GPC3: variants seen among roughly 807,000 people sequenced by gnomAD.
The protein encoded by GPC3 is glypican-3.
GPC3 carries 3 observed loss-of-function variants against 34.4 expected under a neutral mutation model. That is an observed-to-expected ratio of 0.09 (90% CI 0.04 to 0.23). The LOEUF (loss-of-function observed/expected upper bound fraction) is 0.23. GPC3 is among the 10% of genes least tolerant of loss of function. The pLI, the probability that GPC3 is intolerant of heterozygous loss-of-function variation, is 1.00. For synonymous variants in GPC3, 177 were observed against 174.0 expected (o/e 1.02, Z -0.13); for missense variants, 351 against 445.6 (o/e 0.79, Z 1.91).
intron 2 of GPC3, among the ~76,000 whole-genome samples, chrX:133,909,687 C>G (rs917752914): frequency 9.0e-6 from 1 of 111,588 alleles, no homozygotes; most frequent in African/African-American, 3.3e-5. Context: ...AGATAAACCT[C>G]TAAAGAGCCT....
intron 4 of GPC3, among the ~76,000 whole-genome samples, chrX:133,693,154 CAAGTGTGTGTGT>C (rs1278531632): frequency 1.2e-5 from 1 of 82,164 alleles, no homozygotes; most frequent in African/African-American, 5.7e-5. Flanking sequence ...TATAATAAGA[CAAGTGTGTGTGT>C]GTGTGTGTGT....
intron 2 of GPC3, among the ~76,000 whole-genome samples, chrX:133,940,137 G>A (rs1185965192): frequency 9.0e-6 from 1 of 111,010 alleles, no homozygotes; most frequent in Non-Finnish European, 1.9e-5. Context: ...AATACTCAGG[G>A]TACAATTAAC....
chrX:133,958,693 A>C (rs1423015306), intron 1 of GPC3, among the ~76,000 whole-genome samples: 1 of 106,072 alleles, frequency 9.4e-6, no homozygotes, highest in Non-Finnish European at 1.9e-5. Flanking sequence ...CAACATGGCG[A>C]AACCCCATCT....
intron 2 of GPC3, among the ~76,000 whole-genome samples, chrX:133,813,666 C>T (rs1369241458): frequency 1.8e-5 from 2 of 112,584 alleles, no homozygotes; most frequent in African/African-American, 6.5e-5. Context: ...CATCAGGTGA[C>T]ATTCCTGATG....
In GPC3 at chrX:133,558,508, T is replaced by G. The variant is rs139036932; in HGVS notation, c.1574-22215A>C. Among the ~76,000 whole-genome samples, 29 of 111,201 alleles carry G rather than the reference T, an allele frequency of 2.6e-4. No homozygotes were observed. In the East Asian group the frequency reaches 7.1e-3, roughly 27 times the overall value. On this transcript the variant is annotated intron_variant, in intron 7 of 7. Transcript: ENST00000370818. ...TTACGATTTGCTTTTTGGAGTATCTTTTTGGGGAAAGATAGGGTTGAAAAC... is the reference window on the plus strand; with the variant it reads ...TTACGATTTGCTTTTTGGAGTATCTGTTTGGGGAAAGATAGGGTTGAAAAC...
intron 7 of GPC3, among the ~76,000 whole-genome samples, chrX:133,552,269 CAT>C (rs2069441186): frequency 8.9e-6 from 1 of 112,018 alleles, no homozygotes; most frequent in African/African-American, 3.2e-5. Flanking sequence ...TGAGAGGTCT[CAT>C]GGCAGGGAAG....
chrX:133,880,478 A>G (rs764739297), intron 2 of GPC3, among the ~76,000 whole-genome samples: 1 of 112,135 alleles, frequency 8.9e-6, no homozygotes, highest in East Asian at 2.8e-4. Flanking sequence ...GTTTTCAGCT[A>G]CATACACTGA....
At chrX:133,704,274 C>CT (rs2124441184) in intron 3 of GPC3, 1 of 1,027,337 alleles carries the variant, frequency 9.7e-7, no homozygotes, top group Non-Finnish European at 1.3e-6. Context: ...TCTCAGTTTC[C>CT]TTGAAAAAAA....
At chrX:133,793,584 C>A (rs753501521) in intron 2 of GPC3, among the ~76,000 whole-genome samples, 33 of 111,326 alleles carry the variant, frequency 3.0e-4, no homozygotes, top group Non-Finnish European at 5.6e-4. Context: ...TGGGTGACAT[C>A]CTTTTATGAA....
chrX:133,760,717 A>ATT (rs751008485), intron 2 of GPC3, among the ~76,000 whole-genome samples: 7 of 111,846 alleles, frequency 6.3e-5, no homozygotes, highest in Non-Finnish European at 1.1e-4. Flanking sequence ...GACATTATGC[A>ATT]TTTGTAAAAA....
At chrX:133,601,262 AC>A (rs1171611342) in intron 6 of GPC3, among the ~76,000 whole-genome samples, 2 of 112,179 alleles carry the variant, frequency 1.8e-5, no homozygotes, top group Non-Finnish European at 3.8e-5. Context: ...AAGGAAGAAA[AC>A]CCCTAATTCC....
intron 2 of GPC3, among the ~76,000 whole-genome samples, chrX:133,856,893 G>T (rs916430926): frequency 8.9e-6 from 1 of 111,832 alleles, no homozygotes; most frequent in Non-Finnish European, 1.9e-5. Context: ...TTTGGGTCAG[G>T]TCACTTAACT....
intron 2 of GPC3, among the ~76,000 whole-genome samples, chrX:133,765,078 A>T (rs184779636): frequency 8.9e-6 from 1 of 111,961 alleles, no homozygotes; most frequent in East Asian, 2.8e-4. Context: ...CCACATACTG[A>T]GTAGTTAAAA....
chrX:133,811,482 T>C (rs918161703), intron 2 of GPC3, among the ~76,000 whole-genome samples: 8 of 111,931 alleles, frequency 7.1e-5, no homozygotes, highest in African/African-American at 2.6e-4. Context: ...TTGGGTTTTT[T>C]GCTTGTTTTC....
At chrX:133,980,203 A>G (rs1435279362) in intron 1 of GPC3, among the ~76,000 whole-genome samples, 1 of 112,192 alleles carries the variant, frequency 8.9e-6, no homozygotes, top group Non-Finnish European at 1.9e-5. Flanking sequence ...TTGGGTACTC[A>G]AAATTTAATA....
At chrX:133,857,405 T>G (rs912243135) in intron 2 of GPC3, among the ~76,000 whole-genome samples, 2 of 112,340 alleles carry the variant, frequency 1.8e-5, no homozygotes, top group African/African-American at 6.5e-5. Flanking sequence ...TATAACTACC[T>G]ATATAAATTT....
chrX:133,765,060 C>T, intron 2 of GPC3, among the ~76,000 whole-genome samples: 2 of 111,832 alleles, frequency 1.8e-5, no homozygotes, highest in Middle Eastern at 9.3e-3. Context: ...TACAGTTCTT[C>T]CAATAATCCA....
chrX:133,584,396 C>T (rs1435514247), intron 7 of GPC3, among the ~76,000 whole-genome samples: 1 of 111,990 alleles, frequency 8.9e-6, no homozygotes, highest in Non-Finnish European at 1.9e-5. Context: ...TGAAGCTCAT[C>T]CTGAATGTGC....
At chrX:133,738,076 C>T (rs898064405) in intron 3 of GPC3, among the ~76,000 whole-genome samples, 14 of 111,794 alleles carry the variant, frequency 1.3e-4, no homozygotes, top group African/African-American at 3.9e-4. Flanking sequence ...CAATCCTCCC[C>T]GCTCAGGCTC....
Sources: gnomAD v4.1 joint callset for allele counts (sites outside exome capture counted in the v4.1 genomes callset) on GRCh38, gnomAD v4.1.1 for gene constraint, MANE v1.5 for transcripts, NCBI Gene and HGNC (gene_info 2026-07-23, HGNC 2026-07-21) for gene names.